Variants in TVP23C observed in about 807,000 individuals in gnomAD.
TVP23C encodes Golgi apparatus membrane protein TVP23 homolog C.
A neutral mutation model predicts 28.7 loss-of-function variants in TVP23C; 19 were observed. The ratio of observed to expected loss-of-function variants is 0.66; its 90% CI spans 0.46 to 0.97. The LOEUF (loss-of-function observed/expected upper bound fraction) is 0.97, where lower values mean the gene tolerates loss of function less well. Among genes scored for constraint, TVP23C ranks in the 50% least tolerant of loss-of-function variants. The pLI is 0.00. For synonymous variants in TVP23C, 68 were observed against 81.7 expected, an observed-to-expected ratio of 0.83 and a Z score of 0.90; for missense variants, 186 against 241.3, an observed-to-expected ratio of 0.77 and a Z score of 1.52.
intron 5 of TVP23C, among the ~76,000 whole-genome samples, chr17:15,527,572 C>G (rs1400721594): frequency 6.6e-6 from 1 of 152,186 alleles, no homozygotes; most frequent in African/African-American, 2.4e-5. Context: ...TGGGACTATA[C>G]TGAACATTTT....
chr17:15,555,245 T>C (rs2150860643), intron 2 of TVP23C, 37 bp downstream of exon 2: 1 of 1,613,880 alleles, frequency 6.2e-7, no homozygotes, highest in East Asian at 2.2e-5. Context: ...AGAACAACAC[T>C]GGACACTAAC....
rs1597530472 is a variant in TVP23C, at chr17:15,539,326, G to A, written c.*1086C>T. The A allele has an allele frequency of 2.0e-5, 20 of 985,246 alleles. No individual in the cohort carries two copies. The highest frequency in any genetic ancestry group is 4.7e-5 in the South Asian group (1 of 21,278). The allele number at this position is 985,246 out of a possible 1,614,324, so 61.0% of individuals were successfully genotyped here. On this transcript the variant is annotated 3_prime_UTR_variant, in exon 6 of 6. Coordinates refer to ENST00000518321, the MANE Select transcript of TVP23C (RefSeq NM_001135036.2). Reference sequence around the variant, plus strand: ...ATTACTCATATAAAGACCTAGTCACGGCCAGGCGCCGTGGCTCACGCCTGT... The same window carrying A: ...ATTACTCATATAAAGACCTAGTCACAGCCAGGCGCCGTGGCTCACGCCTGT...
chr17:15,521,595 G>T (rs571659910), intron 5 of TVP23C, among the ~76,000 whole-genome samples: 2 of 152,236 alleles, frequency 1.3e-5, no homozygotes, highest in Admixed American at 6.5e-5. Context: ...ACTGAAAAGA[G>T]AGGCATGAAA....
chr17:15,515,052 C>T (rs904259961), intron 5 of TVP23C, among the ~76,000 whole-genome samples: 1 of 151,996 alleles, frequency 6.6e-6, no homozygotes, highest in Non-Finnish European at 1.5e-5. Flanking sequence ...TTTGGGGTAC[C>T]GGAAACACAG....
chr17:15,525,063 C>T (rs565005136), intron 5 of TVP23C, among the ~76,000 whole-genome samples: 130 of 152,354 alleles, frequency 8.5e-4, no homozygotes, highest in Non-Finnish European at 1.5e-3. Flanking sequence ...CCTTCCACTG[C>T]TCCATCCAGG....
At chr17:15,523,655 C>T (rs1278209205) in intron 5 of TVP23C, among the ~76,000 whole-genome samples, 1 of 151,440 alleles carries the variant, frequency 6.6e-6, no homozygotes, top group Non-Finnish European at 1.5e-5. Context: ...ACTCTGTCAC[C>T]CAGGCTAGAG....
At chr17:15,558,634 T>C (rs1354171340) in intron 1 of TVP23C, among the ~76,000 whole-genome samples, 2 of 147,836 alleles carry the variant, frequency 1.4e-5, no homozygotes, top group East Asian at 4.0e-4. Flanking sequence ...AGACAGAGAT[T>C]TGAACAGGCT....
chr17:15,548,224 C>T (rs904779311), intron 3 of TVP23C, among the ~76,000 whole-genome samples: 5 of 152,222 alleles, frequency 3.3e-5, no homozygotes, highest in African/African-American at 1.2e-4. Flanking sequence ...TGGCATGCAA[C>T]GGGGCGATCT....
chr17:15,562,690 T>C (rs929188655), intron 1 of TVP23C: 6 of 152,238 alleles, frequency 3.9e-5, no homozygotes, highest in African/African-American at 1.4e-4. Context: ...GCCTTTGCAA[T>C]TATCTGAAAA....
intron 5 of TVP23C, among the ~76,000 whole-genome samples, chr17:15,517,481 C>T (rs529538753): frequency 1.3e-5 from 2 of 152,198 alleles, no homozygotes; most frequent in Non-Finnish European, 2.9e-5. Context: ...ATTAGCTACT[C>T]CATGCCTCAG....
chr17:15,561,529 A>G (rs483702), intron 1 of TVP23C, among the ~76,000 whole-genome samples: 58,722 of 137,368 alleles, frequency 0.43, 11,773 homozygotes, highest in East Asian at 0.56. Flanking sequence ...AAGCCGGGAG[A>G]CGGAGGTTGC....
At chr17:15,563,268 A>AC in intron 1 of TVP23C, 169 bp downstream of exon 1, 1 of 1,310,508 alleles carries the variant, frequency 7.6e-7, no homozygotes, top group Non-Finnish European at 1.0e-6. Flanking sequence ...CGGCCTCAGA[A>AC]CCCCCAGCAG....
intron 5 of TVP23C, among the ~76,000 whole-genome samples, 189 bp downstream of exon 5, chr17:15,545,596 T>G (rs184556697): frequency 8.5e-5 from 13 of 152,316 alleles, no homozygotes; most frequent in Admixed American, 5.9e-4. Context: ...TGGGAAGGGG[T>G]TTTTTAGGAT....
chr17:15,507,620 C>T (rs1044219431), intron 5 of TVP23C, among the ~76,000 whole-genome samples: 1 of 152,156 alleles, frequency 6.6e-6, no homozygotes, highest in Non-Finnish European at 1.5e-5. Context: ...AGGCGGATCA[C>T]GAGGTCAGGA....
chr17:15,534,608 C>G (rs887310), downstream of TVP23C, among the ~76,000 whole-genome samples: 1 of 148,026 alleles, frequency 6.8e-6, no homozygotes, highest in Non-Finnish European at 1.5e-5. Flanking sequence ...CACACACACA[C>G]ACACCCTTAC....
chr17:15,555,967 A>G (rs934746616), intron 1 of TVP23C, among the ~76,000 whole-genome samples: 3 of 152,184 alleles, frequency 2.0e-5, no homozygotes, highest in African/African-American at 7.2e-5. Flanking sequence ...CCCAGGCTGG[A>G]GTACAATGGC....
chr17:15,538,884 T>C lies in TVP23C; in HGVS notation c.*1528A>G, dbSNP rs1414974857. 1.0e-6 allele frequency: 1 copy of C among 985,764 alleles called. No individual in the cohort carries two copies. The highest frequency in any genetic ancestry group is 1.2e-6 in the Non-Finnish European group (1 of 829,950). 61.1% of individuals were successfully genotyped at this position (985,764 alleles called of 1,614,324 possible). A position where few individuals can be genotyped will look rare whatever the true frequency, so the allele number is the denominator to read the frequency against. ...GTATATTGGAGCCATGCAAAAATCC[T>C]TCAGAATGAGATGATCATGTCCCTA... On this transcript the variant is annotated 3_prime_UTR_variant, in exon 6 of 6. Transcript: ENST00000518321.
chr17:15,549,772 C>T (rs1983808313), intron 3 of TVP23C, among the ~76,000 whole-genome samples: 1 of 152,040 alleles, frequency 6.6e-6, no homozygotes, highest in Non-Finnish European at 1.5e-5. Flanking sequence ...GAGGACAAAC[C>T]TGAATGGAGA....
At chr17:15,531,215 C>T (rs976837969) in intron 5 of TVP23C, 3 of 152,162 alleles carry the variant, frequency 2.0e-5, no homozygotes, top group African/African-American at 7.2e-5. Flanking sequence ...TTGTTTTTCT[C>T]CTGCTGCTTT....
Sources: gnomAD v4.1 joint callset for allele counts (sites outside exome capture counted in the v4.1 genomes callset) on GRCh38, gnomAD v4.1.1 for gene constraint, MANE v1.5 for transcripts, NCBI Gene and HGNC (gene_info 2026-07-23, HGNC 2026-07-21) for gene names.